ADAMTS15: variants seen among roughly 807,000 people sequenced by gnomAD.
ADAMTS15 encodes the protein ADAM metallopeptidase with thrombospondin type 1 motif 15, also known as A disintegrin and metalloproteinase with thrombospondin motifs 15.
ADAMTS15 carries 35 observed loss-of-function variants against 79.1 expected under a neutral mutation model. The ratio of observed to expected loss-of-function variants is 0.44; its 90% confidence interval spans 0.34 to 0.59. ADAMTS15 has a LOEUF of 0.59. Ranked by LOEUF, ADAMTS15 falls within the 20% of genes least tolerant of loss-of-function variation. The probability of loss-of-function intolerance (pLI) is 0.02; values close to 1 mark genes in which losing one functional copy is unlikely to be tolerated. For missense variants in ADAMTS15, 1,324 were observed against 1,318.7 expected (o/e 1.00, Z -0.06); for synonymous variants, 616 against 567.3 (o/e 1.09, Z -1.22).
In ADAMTS15 at chr11:130,448,943, C is replaced by T. The variant is rs535653502; in HGVS notation, c.-31C>T. ...GCCGGAGAGCCCGGCCCAGCCCCTT[C>T]CCACAGCGCGGCGGTGCGCTGCCCG... On this transcript the variant is annotated 5_prime_UTR_variant, in exon 1 of 8. Transcript: ENST00000299164. 81 of 1,470,792 alleles carry T rather than the reference C, an allele frequency of 5.5e-5. No homozygotes were observed. The East Asian group carries it at 1.7e-3, about 32-fold the overall frequency. The allele number at this position is 1,470,792 out of a possible 1,614,324, so 91.1% of individuals were successfully genotyped here.
intron 5 of ADAMTS15, among the ~76,000 whole-genome samples, chr11:130,470,056 A>G (rs1199261374): frequency 6.8e-6 from 1 of 147,308 alleles, no homozygotes; most frequent in African/African-American, 2.5e-5. Flanking sequence ...CAGAATTTTC[A>G]AAATGCTGTT....
intron 1 of ADAMTS15, among the ~76,000 whole-genome samples, chr11:130,458,341 C>T (rs867598686): frequency 5.3e-5 from 8 of 152,260 alleles, no homozygotes; most frequent in East Asian, 1.9e-4. Context: ...ATTACAGGCC[C>T]GAGCCACTGC....
intron 1 of ADAMTS15, among the ~76,000 whole-genome samples, chr11:130,457,666 T>C (rs1196595126): frequency 6.9e-6 from 1 of 145,280 alleles, no homozygotes; most frequent in East Asian, 1.9e-4. Flanking sequence ...GAACAGCTTC[T>C]GTTTTTTGGA....
intron 5 of ADAMTS15, among the ~76,000 whole-genome samples, chr11:130,470,182 GTGTGTATATATATATA>G (rs1182703700): frequency 0.011 from 790 of 72,680 alleles, 28 homozygotes; most frequent in Non-Finnish European, 0.016. Flanking sequence ...ATATATATAT[GTGTGTATATATATATA>G]TATATATATA....
At position 130,473,030 on chromosome 11, in the gene ADAMTS15, C is replaced by T. The variant is rs149285449; in HGVS notation, c.2079-17C>T. On this transcript the variant is annotated splice_polypyrimidine_tract_variant and intron_variant, in intron 7 of 7. Transcript: ENST00000299164. The stretch of plus-strand genomic sequence containing the variant: ...CCAGGCTTCTATCTGATGCACGGCC[C>T]CCCTTTCCCCCGCCAGGCATGGCTA... The T allele has an allele frequency of 9.9e-6, 16 of 1,611,360 alleles. No homozygotes were observed. The East Asian group carries it at 3.6e-4, about 36-fold the overall frequency.
intron 4 of ADAMTS15, among the ~76,000 whole-genome samples, chr11:130,465,200 G>A (rs1938276726): frequency 6.6e-6 from 1 of 151,908 alleles, no homozygotes; most frequent in Admixed American, 6.6e-5. Context: ...TTTCCCGACG[G>A]GGGAAAAAAC....
At position 130,474,439 on chromosome 11, in the gene ADAMTS15, C is replaced by T. The variant is rs373934584; in HGVS notation, c.*618C>T. The T allele has an allele frequency of 3.3e-5, 5 of 152,598 alleles. No homozygotes were observed. The highest frequency in any genetic ancestry group is 1.2e-4 in the African/African-American group (5 of 41,562). The allele number at this position is 152,598 out of a possible 1,614,324, so 9.5% of individuals were successfully genotyped here. ...GTCCCGAGGTTTCTCATCCTGCACT[C>T]TTGGCCCTCCTATAAAGAAGCAGCC... On this transcript the variant is annotated 3_prime_UTR_variant, in exon 8 of 8. Coordinates refer to ENST00000299164, the MANE Select transcript of ADAMTS15 (RefSeq NM_139055.4).
In ADAMTS15 at chr11:130,471,202, C is replaced by T. The variant is rs1938448408; in HGVS notation, c.1903-6C>T. ...TCCTTCTTTTTCCCCTTCTGGGGTG[C>T]TGCAGGTGGTGGACGGCACGCTGTG... On this transcript the variant is annotated splice_region_variant and splice_polypyrimidine_tract_variant and intron_variant, in intron 6 of 7. Coordinates refer to ENST00000299164, the MANE Select transcript of ADAMTS15 (RefSeq NM_139055.4). 7 of 1,591,882 alleles carry T rather than the reference C, an allele frequency of 4.4e-6. No individual in the cohort carries two copies. The highest frequency in any genetic ancestry group is 6.0e-6 in the Non-Finnish European group (7 of 1,168,236).
At position 130,449,915 on chromosome 11, in the gene ADAMTS15, C is replaced by T; in HGVS notation, c.942C>T (p.Ile314=). The T allele has an allele frequency of 6.3e-7, 1 of 1,599,352 alleles. No homozygotes were observed. Among genetic ancestry groups the T allele is most frequent in the Non-Finnish European group, 8.5e-7 (1 of 1,179,476 alleles). Residue 314 remains isoleucine, a synonymous_variant, in exon 1 of 8, where the codon ATC becomes ATT. Transcript: ENST00000299164. This position sits in a 1 kb window ranked among gnomAD's most constrained non-coding sequence, Gnocchi z 7.8. ...DKHPEYWDTA[I]LFTRQDLCGA... ...ACCCCGAGTACTGGGACACTGCCAT[C>T]CTCTTCACCAGGCAGGTGAGTTGAT...
At chr11:130,467,782 TAAAA>T (rs55877713) in intron 4 of ADAMTS15, among the ~76,000 whole-genome samples, 1 of 134,322 alleles carries the variant, frequency 7.4e-6, no homozygotes, top group African/African-American at 2.7e-5. Flanking sequence ...AAAAAAAACC[TAAAA>T]AAAAAAAAAA....
rs747282681 is a variant in ADAMTS15 at position 130,469,282 on chromosome 11, A to G, written c.1563A>G (p.Lys521=). The G allele has an allele frequency of 2.9e-6, 4 of 1,402,268 alleles. No individual in the cohort carries two copies. Among genetic ancestry groups the G allele is most frequent in the Non-Finnish European group, 3.7e-6 (4 of 1,073,676 alleles). 86.9% of individuals were successfully genotyped at this position (1,402,268 alleles called of 1,614,324 possible). A position where few individuals can be genotyped will look rare whatever the true frequency, so the allele number is the denominator to read the frequency against. The change falls in exon 5 of 8, where the codon AAA becomes AAG. Residue 521 remains lysine, a synonymous_variant. Coordinates refer to ENST00000299164, the MANE Select transcript of ADAMTS15 (RefSeq NM_139055.4). ...NKHRVDGSWA[K]WDPYGPCSRT... The stretch of plus-strand genomic sequence containing the variant: ...CACAGGTGGATGGTTCCTGGGCCAA[A>G]TGGGATCCCTATGGCCCCTGCTCGC...
Position 130,449,837 on chromosome 11 carries a change from G to A in ADAMTS15, c.864G>A (p.Thr288=). The A allele has an allele frequency of 6.2e-7, 1 of 1,608,836 alleles. No individual in the cohort carries two copies. The change falls in exon 1 of 8, where the codon ACG becomes ACA. Residue 288 remains threonine, a synonymous_variant. Coordinates refer to ENST00000299164, the MANE Select transcript of ADAMTS15 (RefSeq NM_139055.4). The surrounding 1 kb of genome is among the most constrained non-coding windows in gnomAD (Gnocchi z 7.8). ...AGGTCACCGGCAATGCGGCCCTGAC[G>A]CTGCGCAACTTCTGTGCCTGGCAGA... is the stretch of plus-strand genomic sequence containing the variant. ...GPKVTGNAAL[T]LRNFCAWQKK... is the part of the protein sequence containing the mutation.
chr11:130,464,877 G>A (rs1470945196), intron 4 of ADAMTS15, among the ~76,000 whole-genome samples: 2 of 151,676 alleles, frequency 1.3e-5, no homozygotes, highest in Non-Finnish European at 2.9e-5. Flanking sequence ...TGAGGCAGAA[G>A]GATGGCTTGA....
In ADAMTS15 at chr11:130,462,030, C is replaced by A; in HGVS notation, c.1091-57C>A. On this transcript the variant is annotated intron_variant, in intron 2 of 7. Coordinates refer to ENST00000299164, the MANE Select transcript of ADAMTS15 (RefSeq NM_139055.4). This position sits in a 1 kb window ranked among gnomAD's most constrained non-coding sequence, Gnocchi z 4.3. ...TTCTAGTTCCCCTGCCCCATTCCTC[C>A]CTCCAACCCCCATGTCCTTCCTCCT... 1 of 1,507,820 alleles carries A rather than the reference C, an allele frequency of 6.6e-7. No individual in the cohort carries two copies. The highest frequency in any genetic ancestry group is 1.2e-5 in the South Asian group (1 of 82,632). 93.4% of individuals were successfully genotyped at this position (1,507,820 alleles called of 1,614,324 possible). A position where few individuals can be genotyped will look rare whatever the true frequency, so the allele number is the denominator to read the frequency against.
chr11:130,467,419 A>G (rs1938324384), intron 4 of ADAMTS15, among the ~76,000 whole-genome samples: 1 of 152,226 alleles, frequency 6.6e-6, no homozygotes, highest in Non-Finnish European at 1.5e-5. Context: ...AGGCCAAAGC[A>G]GGGTGGAAGG....
At position 130,462,751 on chromosome 11, in the gene ADAMTS15, G is replaced by A. The variant is rs1361620775; in HGVS notation, c.1513G>A (p.Val505Met). The A allele has an allele frequency of 1.8e-5, 28 of 1,598,920 alleles. No individual in the cohort carries two copies. The highest frequency in any genetic ancestry group is 1.7e-4 in the Middle Eastern group (1 of 5,936). The change falls in exon 4 of 8, where the codon GTG becomes ATG. Residue 505 changes from valine to methionine, a missense_variant. Coordinates refer to ENST00000299164, the MANE Select transcript of ADAMTS15 (RefSeq NM_139055.4). This position sits in a 1 kb window ranked among gnomAD's most constrained non-coding sequence, Gnocchi z 4.3. ...EGKLCLKGAC[V>M]ERHNLNKHRV... is the part of the protein sequence containing the mutation. ...CAAGCTCTGCCTCAAAGGGGCCTGCGTGGAGAGACACAACCTCAACAAGCA... is the reference window on the plus strand; with the variant it reads ...CAAGCTCTGCCTCAAAGGGGCCTGCATGGAGAGACACAACCTCAACAAGCA...
chr11:130,470,324 C>G (rs180722994), intron 5 of ADAMTS15, among the ~76,000 whole-genome samples: 30 of 150,970 alleles, frequency 2.0e-4, no homozygotes, highest in Non-Finnish European at 2.9e-4. Flanking sequence ...TCAAGCGATT[C>G]TCCCACCTCA....
intron 4 of ADAMTS15, among the ~76,000 whole-genome samples, chr11:130,468,155 C>T (rs1364268606): frequency 6.6e-6 from 1 of 152,182 alleles, no homozygotes; most frequent in Non-Finnish European, 1.5e-5. Context: ...TGAACTTTTG[C>T]CGGGGCCAGC....
chr11:130,470,791 G>C (rs1243370845), intron 5 of ADAMTS15, 129 bp from the exon 6 acceptor site: 6 of 1,017,258 alleles, frequency 5.9e-6, no homozygotes, highest in Non-Finnish European at 8.7e-6. Flanking sequence ...CAGATGGGGG[G>C]AGGTTGCAGC....
Sources: allele counts gnomAD v4.1 joint callset (sites outside exome capture counted in the v4.1 genomes callset), GRCh38; gene constraint gnomAD v4.1.1; non-coding constraint Gnocchi (gnomAD v3.1); transcripts MANE v1.5; gene names NCBI Gene and HGNC (gene_info 2026-07-23, HGNC 2026-07-21).